SLC35F1: variants seen among roughly 807,000 people sequenced by gnomAD.
The protein encoded by SLC35F1 is chromosome 6 open reading frame 169.
Under a neutral mutation model 48.7 loss-of-function variants are expected in SLC35F1, and 14 were observed. The ratio of observed to expected loss-of-function variants is 0.29; its 90% CI spans 0.19 to 0.45. The LOEUF (loss-of-function observed/expected upper bound fraction) is 0.45. Among genes scored for constraint, SLC35F1 ranks in the 20% least tolerant of loss-of-function variants. The pLI is 1.00. For synonymous variants in SLC35F1, 190 were observed against 202.2 expected (o/e 0.94, Z 0.51); for missense variants, 404 against 500.0 (o/e 0.81, Z 1.83).
At chr6:117,908,943 G>T (rs1051350189) in intron 1 of SLC35F1, among the ~76,000 whole-genome samples, 1 of 152,188 alleles carries the variant, frequency 6.6e-6, no homozygotes, top group African/African-American at 2.4e-5. Flanking sequence ...ACTGTCTGGG[G>T]CTCAAAGCTC....
intron 3 of SLC35F1, among the ~76,000 whole-genome samples, chr6:118,258,040 A>T (rs1455371989): frequency 1.3e-5 from 2 of 152,210 alleles, no homozygotes; most frequent in Non-Finnish European, 2.9e-5. Context: ...TTATTTGAAC[A>T]GGTAAAACTG....
At position 117,946,600 on chromosome 6, in the gene SLC35F1, C is replaced by T. The variant is rs559525908; in HGVS notation, c.173+38701C>T. ...TTTGAGATGACAACCTACATGTAAA[C>T]TCTTAAGTGGTTTGACCTAGAGGAA... On this transcript the variant is annotated intron_variant, in intron 1 of 7. Coordinates refer to ENST00000360388, the MANE Select transcript of SLC35F1 (RefSeq NM_001029858.4). Among the ~76,000 whole-genome samples the T allele has an allele frequency of 2.6e-5, 4 of 152,282 alleles. No homozygotes were observed. The South Asian group carries it at 8.3e-4, about 32-fold the overall frequency.
At chr6:118,310,742 T>C (rs1448100321) in intron 7 of SLC35F1, among the ~76,000 whole-genome samples, 1 of 152,126 alleles carries the variant, frequency 6.6e-6, no homozygotes, top group East Asian at 1.9e-4. Flanking sequence ...GAATTCCATA[T>C]GAATTAAATA....
chr6:118,140,343 G>A (rs1773866592), intron 1 of SLC35F1, among the ~76,000 whole-genome samples: 1 of 152,200 alleles, frequency 6.6e-6, no homozygotes, highest in Non-Finnish European at 1.5e-5. Flanking sequence ...TTTTAATGGA[G>A]CTAAGAAAGT....
intron 2 of SLC35F1, among the ~76,000 whole-genome samples, chr6:118,169,436 T>C (rs1032262765): frequency 6.6e-6 from 1 of 152,142 alleles, no homozygotes; most frequent in Non-Finnish European, 1.5e-5. Flanking sequence ...CCACATTATC[T>C]CTGGTTGGAG....
chr6:118,249,067 C>G (rs905282366), intron 3 of SLC35F1, among the ~76,000 whole-genome samples: 2 of 152,216 alleles, frequency 1.3e-5, no homozygotes, highest in Non-Finnish European at 2.9e-5. Context: ...AATCTGCTGT[C>G]TAAGTCTTTG....
chr6:118,084,811 G>A (rs1772962752), intron 1 of SLC35F1, among the ~76,000 whole-genome samples: 1 of 152,060 alleles, frequency 6.6e-6, no homozygotes, highest in African/African-American at 2.4e-5. Context: ...CCAGCTGTCA[G>A]TACTTGCTCT....
chr6:117,957,478 G>T (rs1195824695), intron 1 of SLC35F1, among the ~76,000 whole-genome samples: 2 of 152,188 alleles, frequency 1.3e-5, no homozygotes, highest in Non-Finnish European at 2.9e-5. Context: ...GATCTTGATA[G>T]AAATATCTGA....
At position 118,285,318 on chromosome 6, in the gene SLC35F1, T is replaced by C. The variant is rs763849579; in HGVS notation, c.982T>C (p.Leu328=). Reference sequence around the variant, plus strand: ...AGACTTGTACAGCCTGTTCTGTGGATTGTTTCTCTTCCACTACAAGGTAAG... The same window carrying C: ...AGACTTGTACAGCCTGTTCTGTGGACTGTTTCTCTTCCACTACAAGGTAAG... ...TADLYSLFCG[L]FLFHYKFSGL... is the part of the protein sequence containing the mutation. The change falls in exon 7 of 8, where the codon TTG becomes CTG. Residue 328 remains leucine, a synonymous_variant. Coordinates refer to ENST00000360388, the MANE Select transcript of SLC35F1 (RefSeq NM_001029858.4). The C allele has an allele frequency of 2.5e-6, 4 of 1,613,948 alleles. No individual in the cohort carries two copies. Among genetic ancestry groups the C allele is most frequent in the Admixed American group, 3.3e-5 (2 of 60,008 alleles).
chr6:118,208,883 C>T (rs1385463308), intron 2 of SLC35F1, among the ~76,000 whole-genome samples: 1 of 152,146 alleles, frequency 6.6e-6, no homozygotes, highest in African/African-American at 2.4e-5. Flanking sequence ...TCTTCCACCC[C>T]TGTTTTTCCC....
chr6:118,006,416 A>G (rs943890799), intron 1 of SLC35F1, among the ~76,000 whole-genome samples: 6 of 152,168 alleles, frequency 3.9e-5, no homozygotes, highest in African/African-American at 1.4e-4. Flanking sequence ...CAGGTGTTCA[A>G]GATCAGCCTG....
intron 1 of SLC35F1, among the ~76,000 whole-genome samples, chr6:117,967,653 T>C (rs1356675588): frequency 6.6e-6 from 1 of 152,232 alleles, no homozygotes; most frequent in Non-Finnish European, 1.5e-5. Flanking sequence ...GAACCATTAA[T>C]GTCCATTGAA....
rs899003018 is a variant in SLC35F1 at position 118,313,926 on chromosome 6, G to C, written c.1003-102G>C. 11 of 1,060,770 alleles carry C rather than the reference G, an allele frequency of 1.0e-5. No homozygotes were observed. In the African/African-American group the frequency reaches 1.7e-4, roughly 17 times the overall value. 65.7% of individuals were successfully genotyped at this position (1,060,770 alleles called of 1,614,324 possible). On this transcript the variant is annotated intron_variant, in intron 7 of 7. Coordinates refer to ENST00000360388, the MANE Select transcript of SLC35F1 (RefSeq NM_001029858.4). Reference sequence around the variant, plus strand: ...TGTTGGCCAACTCATCATGCTGCCTGTTCTGAGAAGAAGCAGCTCTGCTCA... The same window carrying C: ...TGTTGGCCAACTCATCATGCTGCCTCTTCTGAGAAGAAGCAGCTCTGCTCA...
intron 2 of SLC35F1, among the ~76,000 whole-genome samples, chr6:118,218,173 G>C (rs1429990278): frequency 6.6e-6 from 1 of 152,160 alleles, no homozygotes; most frequent in East Asian, 1.9e-4. Context: ...AAGGGAGAAA[G>C]TATCAATGGT....
chr6:118,200,452 C>T (rs995296129), intron 2 of SLC35F1, among the ~76,000 whole-genome samples: 1 of 152,128 alleles, frequency 6.6e-6, no homozygotes, highest in Non-Finnish European at 1.5e-5. Flanking sequence ...ATACCCTGTC[C>T]CCTGCCAGTG....
Position 118,070,122 on chromosome 6 carries a change from G to A in SLC35F1, c.174-84323G>A, listed in dbSNP as rs373415134. On this transcript the variant is annotated intron_variant, in intron 1 of 7. Transcript: ENST00000360388. ...CTGCAGTCCGCAGTCCGGCCTGGGC[G>A]ACAGAGCGAGACTCCGTCTCAAAAA... Among the ~76,000 whole-genome samples the A allele has an allele frequency of 3.9e-3, 429 of 109,686 alleles. 12 individuals carry two copies. In the East Asian group the frequency reaches 0.088, roughly 23 times the overall value. The allele number at this position is 109,686 out of a possible 152,430, so 72.0% of individuals were successfully genotyped here.
rs375446217 is a variant in SLC35F1 at position 118,057,357 on chromosome 6, C to T, written c.174-97088C>T. On this transcript the variant is annotated intron_variant, in intron 1 of 7. Transcript: ENST00000360388. Reference sequence around the variant, plus strand: ...TACTTGGGCAGATATACACTTCTGCCAATCCCAGTCCCAGAGGATCCTTCT... The same window carrying T: ...TACTTGGGCAGATATACACTTCTGCTAATCCCAGTCCCAGAGGATCCTTCT... Among the ~76,000 whole-genome samples the T allele has an allele frequency of 9.2e-5, 14 of 152,120 alleles. No individual in the cohort carries two copies. The East Asian group carries it at 1.2e-3, about 13-fold the overall frequency.
At chr6:118,278,598 T>G (rs577105980) in intron 6 of SLC35F1, among the ~76,000 whole-genome samples, 1 of 152,312 alleles carries the variant, frequency 6.6e-6, no homozygotes, top group African/African-American at 2.4e-5. Flanking sequence ...TGACCAGCCT[T>G]GTGTCTCAGA....
intron 3 of SLC35F1, among the ~76,000 whole-genome samples, chr6:118,251,035 C>A (rs890355545): frequency 9.2e-5 from 14 of 152,200 alleles, no homozygotes; most frequent in African/African-American, 3.4e-4. Flanking sequence ...TTCCTGTAAT[C>A]CCAGCACTTT....
Sources: gnomAD v4.1 joint callset for allele counts (sites outside exome capture counted in the v4.1 genomes callset) on GRCh38, gnomAD v4.1.1 for gene constraint, MANE v1.5 for transcripts, NCBI Gene and HGNC (gene_info 2026-07-23, HGNC 2026-07-21) for gene names.